The following TGM2 variants were observed in gnomAD, a reference collection of about 807,000 sequenced individuals.
TGM2 encodes the protein protein-glutamine gamma-glutamyltransferase 2.
TGM2 carries 53 observed loss-of-function variants against 75.6 expected under a neutral mutation model. That is an observed-to-expected ratio of 0.70 (90% CI 0.56 to 0.88). The LOEUF is 0.88. TGM2 is among the 40% of genes least tolerant of loss of function. TGM2 has a pLI of 0.00. For synonymous variants in TGM2, 374 were observed against 381.1 expected, an observed-to-expected ratio of 0.98 and a Z score of 0.22; for missense variants, 842 against 928.5, an observed-to-expected ratio of 0.91 and a Z score of 1.21.
chr20:38,133,225 G>A, intron 10 of TGM2: 1 of 220,860 alleles, frequency 4.5e-6, no homozygotes, highest in Admixed American at 4.8e-5. Context: ...TCGTGATGCT[G>A]TACCCGTTGC....
At chr20:38,147,312 T>C (rs1223493572) in intron 5 of TGM2, among the ~76,000 whole-genome samples, 1 of 152,028 alleles carries the variant, frequency 6.6e-6, no homozygotes, top group Non-Finnish European at 1.5e-5. Context: ...AAGAGGCCCT[T>C]CTGGTCTCAC....
chr20:38,144,953 A>ACCAGGG (rs2075027286), intron 6 of TGM2, among the ~76,000 whole-genome samples: 3 of 152,086 alleles, frequency 2.0e-5, no homozygotes, highest in South Asian at 2.1e-4. Context: ...GGTGACCAGG[A>ACCAGGG]TGACCAGGGT....
chr20:38,136,284 G>A (rs1044345714), intron 10 of TGM2, among the ~76,000 whole-genome samples: 21 of 152,354 alleles, frequency 1.4e-4, no homozygotes, highest in African/African-American at 5.1e-4. Flanking sequence ...GAGGGTGAAA[G>A]CTGTGCCCCA....
At chr20:38,144,232 C>T (rs1333324685) in intron 6 of TGM2, among the ~76,000 whole-genome samples, 1 of 152,234 alleles carries the variant, frequency 6.6e-6, no homozygotes, top group Non-Finnish European at 1.5e-5. Flanking sequence ...CCCTGCTGCT[C>T]ACCAGCTGTA....
chr20:38,132,135 C>T (rs2074841326), intron 11 of TGM2, among the ~76,000 whole-genome samples: 1 of 152,114 alleles, frequency 6.6e-6, no homozygotes, highest in Non-Finnish European at 1.5e-5. Context: ...CTGGGATTTT[C>T]AGATTCATTC....
intron 7 of TGM2, 28 bp downstream of exon 7, chr20:38,142,036 T>C: frequency 1.2e-6 from 2 of 1,613,896 alleles, no homozygotes; most frequent in Non-Finnish European, 1.7e-6. Flanking sequence ...CCTACTGGGC[T>C]CCGATCCCAC....
chr20:38,156,149 C>A lies in TGM2; in HGVS notation c.191-60G>T, dbSNP rs943261217. 46 of 1,577,396 alleles carry A rather than the reference C, an allele frequency of 2.9e-5. No individual in the cohort carries two copies. In the African/African-American group the frequency reaches 5.6e-4, roughly 19 times the overall value. On this transcript the variant is annotated intron_variant, in intron 2 of 12. Transcript: ENST00000361475. Reference sequence around the variant, plus strand: ...GTAGCAGGGCTGGCAGGGCAGGGCACCTACGTGGGGTCCCCCAGCTTGGGC... The same window carrying A: ...GTAGCAGGGCTGGCAGGGCAGGGCAACTACGTGGGGTCCCCCAGCTTGGGC...
chr20:38,149,854 G>A (rs752740410), intron 4 of TGM2, among the ~76,000 whole-genome samples: 12 of 152,066 alleles, frequency 7.9e-5, no homozygotes, highest in Non-Finnish European at 1.0e-4. Context: ...AGCAGGCTAC[G>A]GGGTTGCTGA....
intron 3 of TGM2, among the ~76,000 whole-genome samples, chr20:38,153,246 C>T (rs1389066888): frequency 1.3e-5 from 2 of 152,086 alleles, no homozygotes; most frequent in Non-Finnish European, 2.9e-5. Context: ...CAGATGTGGC[C>T]GGGCGTGGTG....
chr20:38,131,170 C>G lies in TGM2; in HGVS notation c.1836G>C (p.Pro612=). The change falls in exon 12 of 13, where the codon CCG becomes CCC. Residue 612 remains proline, a synonymous_variant. Transcript: ENST00000361475. ...TGCAGCCTTCCAGGGCCACAGGGAGCGGGTTCTGCAGGGACACCTCAGCCA... is the reference window on the plus strand; with the variant it reads ...TGCAGCCTTCCAGGGCCACAGGGAGGGGGTTCTGCAGGGACACCTCAGCCA... ...KLVAEVSLQN[P]LPVALEGCTF... The G allele has an allele frequency of 6.2e-7, 1 of 1,613,814 alleles. No homozygotes were observed. Among genetic ancestry groups the G allele is most frequent in the South Asian group, 1.1e-5 (1 of 91,074 alleles).
chr20:38,164,459 T>G (rs917680638), intron 1 of TGM2, among the ~76,000 whole-genome samples: 1 of 152,108 alleles, frequency 6.6e-6, no homozygotes, highest in Non-Finnish European at 1.5e-5. Flanking sequence ...GGGGCACCAG[T>G]ATGAAATTAG....
chr20:38,161,447 C>A lies in TGM2; in HGVS notation c.163G>T (p.Asp55Tyr), dbSNP rs1277572896. 1 of 1,614,146 alleles carries A rather than the reference C, an allele frequency of 6.2e-7. No homozygotes were observed. Among genetic ancestry groups the A allele is most frequent in the Non-Finnish European group, 8.5e-7 (1 of 1,180,014 alleles). Residue 55 changes from aspartate to tyrosine, a missense_variant, in exon 2 of 13, where the codon GAC becomes TAC. Coordinates refer to ENST00000361475, the MANE Select transcript of TGM2 (RefSeq NM_004613.4). ...GTCACGACACTGAAGGTGAGACTGT[C>A]TACACTGGCCTCGTAGTTGCGGCCC... is the stretch of plus-strand genomic sequence containing the variant. The part of the protein sequence containing the change: ...FEGRNYEASV[D>Y]SLTFSVVTGP...
At chr20:38,156,519 T>C (rs1431710852) in intron 2 of TGM2, among the ~76,000 whole-genome samples, 1 of 152,252 alleles carries the variant, frequency 6.6e-6, no homozygotes, top group African/African-American at 2.4e-5. Context: ...GCCTACATCC[T>C]CTACCTGCTA....
At chr20:38,139,292 G>A (rs1183312102) in intron 9 of TGM2, 120 bp downstream of exon 9, 3 of 1,408,986 alleles carry the variant, frequency 2.1e-6, no homozygotes, top group East Asian at 4.7e-5. Context: ...TAGCCTACGG[G>A]GCCATTGCTG....
intron 6 of TGM2, chr20:38,145,256 C>T (rs952477371): frequency 2.6e-5 from 4 of 152,052 alleles, no homozygotes; most frequent in South Asian, 4.1e-4. Flanking sequence ...CTTTCCTGGG[C>T]CTTAGCACTG....
At chr20:38,144,531 CT>C (rs1191226393) in intron 6 of TGM2, among the ~76,000 whole-genome samples, 2 of 152,152 alleles carry the variant, frequency 1.3e-5, no homozygotes, top group Non-Finnish European at 2.9e-5. Flanking sequence ...CCAGGCTCCC[CT>C]GGAAATCCCC....
chr20:38,139,342 C>T (rs1290422657), intron 9 of TGM2, 70 bp downstream of exon 9: 14 of 1,610,636 alleles, frequency 8.7e-6, no homozygotes, highest in African/African-American at 6.7e-5. Context: ...CACACATACA[C>T]GAGCCTGCCG....
intron 3 of TGM2, among the ~76,000 whole-genome samples, chr20:38,152,139 AT>A (rs1568696999): frequency 6.6e-6 from 1 of 152,192 alleles, no homozygotes; most frequent in South Asian, 2.1e-4. Context: ...TTAAATGTTC[AT>A]TTTTTTCTCC....
intron 6 of TGM2, among the ~76,000 whole-genome samples, chr20:38,143,643 G>A (rs987859748): frequency 3.9e-5 from 6 of 152,150 alleles, no homozygotes; most frequent in African/African-American, 1.2e-4. Flanking sequence ...CCTGGCAGAC[G>A]GAATTATGGG....
Sources: allele counts gnomAD v4.1 joint callset (sites outside exome capture counted in the v4.1 genomes callset), GRCh38; gene constraint gnomAD v4.1.1; transcripts MANE v1.5; gene names NCBI Gene and HGNC (gene_info 2026-07-23, HGNC 2026-07-21).